TEX36: variants seen among roughly 807,000 people sequenced by gnomAD.
TEX36 encodes testis expressed 36, also known as testis-expressed protein 36.
A neutral mutation model predicts 13.6 loss-of-function variants in TEX36; 12 were observed. The ratio of observed to expected loss-of-function variants is 0.88; its 90% CI spans 0.56 to 1.43. TEX36 has a LOEUF of 1.43. Ranked by LOEUF, TEX36 falls within the 40% of genes most tolerant of loss-of-function variation. The pLI is 0.00. For synonymous variants in TEX36, 93 were observed against 83.0 expected (o/e 1.12, Z -0.65); for missense variants, 224 against 228.3 (o/e 0.98, Z 0.12).
At chr10:125,670,424 C>T (rs1847204640) in intron 1 of TEX36, among the ~76,000 whole-genome samples, 1 of 152,092 alleles carries the variant, frequency 6.6e-6, no homozygotes, top group South Asian at 2.1e-4. Flanking sequence ...TGTCCTTTGC[C>T]CACTTTTTAA....
intron 3 of TEX36, among the ~76,000 whole-genome samples, chr10:125,615,732 G>C (rs1409337112): frequency 4.6e-5 from 7 of 151,596 alleles, no homozygotes; most frequent in Non-Finnish European, 1.0e-4. Context: ...AAGGATATTG[G>C]TCTAAAATTC....
At chr10:125,610,094 C>T (rs950909612) in intron 3 of TEX36, among the ~76,000 whole-genome samples, 2 of 152,186 alleles carry the variant, frequency 1.3e-5, no homozygotes, top group Non-Finnish European at 2.9e-5. Context: ...GGAAGTTATC[C>T]TAAATAGTCT....
intron 3 of TEX36, among the ~76,000 whole-genome samples, chr10:125,599,164 A>C (rs1846115553): frequency 6.6e-6 from 1 of 152,224 alleles, no homozygotes; most frequent in Non-Finnish European, 1.5e-5. Flanking sequence ...AAGATTTGGA[A>C]AATGGAAGAA....
chr10:125,589,963 G>C (rs1370291054), intron 3 of TEX36, among the ~76,000 whole-genome samples: 2 of 152,108 alleles, frequency 1.3e-5, no homozygotes, highest in African/African-American at 2.4e-5. Context: ...GCATCATTTT[G>C]CTTTTCCAAA....
At chr10:125,633,775 G>A (rs1846589595) in intron 3 of TEX36, among the ~76,000 whole-genome samples, 1 of 152,188 alleles carries the variant, frequency 6.6e-6, no homozygotes, top group African/African-American at 2.4e-5. Flanking sequence ...ATCGACATCA[G>A]GGAATCAGGA....
chr10:125,633,636 C>T (rs1244777248), intron 3 of TEX36, among the ~76,000 whole-genome samples: 4 of 152,164 alleles, frequency 2.6e-5, no homozygotes, highest in African/African-American at 9.7e-5. Context: ...TACCTCGTAT[C>T]CTGCTTTTTT....
At chr10:125,605,379 C>T (rs1846203029) in intron 3 of TEX36, among the ~76,000 whole-genome samples, 1 of 151,912 alleles carries the variant, frequency 6.6e-6, no homozygotes, top group Non-Finnish European at 1.5e-5. Context: ...CAGCATAGTG[C>T]AGCAATGTGG....
At chr10:125,603,486 C>T (rs1439521930) in intron 3 of TEX36, among the ~76,000 whole-genome samples, 2 of 152,090 alleles carry the variant, frequency 1.3e-5, no homozygotes, top group African/African-American at 4.8e-5. Flanking sequence ...CTTCTCTAAC[C>T]CAGCCCCCAG....
chr10:125,679,528 C>T (rs1847363209), intron 1 of TEX36, among the ~76,000 whole-genome samples: 1 of 152,106 alleles, frequency 6.6e-6, no homozygotes, highest in East Asian at 1.9e-4. Context: ...AGAGAAGGGT[C>T]GAGAAGTTCT....
chr10:125,576,976 A>G, intron 3 of TEX36: 2 of 1,446,470 alleles, frequency 1.4e-6, no homozygotes, highest in African/African-American at 1.4e-5. Flanking sequence ...TCCCTGCCCA[A>G]GCTTTAAAAA....
chr10:125,591,348 G>A (rs916566876), intron 3 of TEX36, among the ~76,000 whole-genome samples: 1 of 152,150 alleles, frequency 6.6e-6, no homozygotes, highest in Non-Finnish European at 1.5e-5. Flanking sequence ...TAAATTCAAT[G>A]TAGTCCCCAA....
Position 125,677,678 on chromosome 10 carries a change from A to T in TEX36, c.51+5261T>A, listed in dbSNP as rs1409377656. Among the ~76,000 whole-genome samples, 5 of 150,842 alleles carry T rather than the reference A, an allele frequency of 3.3e-5. 1 individual carries two copies. The highest frequency in any genetic ancestry group is 4.2e-4 in the South Asian group (2 of 4,752). On this transcript the variant is annotated intron_variant, in intron 1 of 3. Coordinates refer to ENST00000368821, the MANE Select transcript of TEX36 (RefSeq NM_001128202.3). ...ATCTCACTGAGCTTCTTTAAAATGA[A>T]TTTTTTTTTCTTTTTTCTTTTGAGA...
Position 125,638,379 on chromosome 10 carries a change from G to A in TEX36, c.265-16734C>T, listed in dbSNP as rs917684953. On this transcript the variant is annotated intron_variant, in intron 3 of 3. Transcript: ENST00000526819. ...AAAAGAAAGAGAGAGAGAGAGAAGA[G>A]AGAAGAATTCAGAAGACAGAAGCAG... Among the ~76,000 whole-genome samples the A allele has an allele frequency of 2.4e-4, 37 of 152,238 alleles. 1 individual carries two copies. The highest frequency in any genetic ancestry group is 8.2e-4 in the African/African-American group (34 of 41,538).
intron 3 of TEX36, among the ~76,000 whole-genome samples, chr10:125,584,187 A>G (rs1388428571): frequency 1.3e-5 from 2 of 152,228 alleles, no homozygotes; most frequent in African/African-American, 4.8e-5. Context: ...CAGCTACCAG[A>G]CTAGGGCCAC....
At chr10:125,617,385 T>C (rs1366939260), downstream of TEX36, among the ~76,000 whole-genome samples, 1 of 152,252 alleles carries the variant, frequency 6.6e-6, no homozygotes, top group Non-Finnish European at 1.5e-5. Flanking sequence ...GTGGTCTTGA[T>C]GGTCTTTACA....
intron 3 of TEX36, among the ~76,000 whole-genome samples, chr10:125,642,665 G>GT (rs971630700): frequency 1.3e-5 from 2 of 151,892 alleles, no homozygotes; most frequent in East Asian, 1.9e-4. Flanking sequence ...AGGTTTTTTT[G>GT]TTTTTTTGTG....
chr10:125,667,925 G>C (rs1445327294), intron 1 of TEX36: 3 of 1,218,134 alleles, frequency 2.5e-6, no homozygotes, highest in Non-Finnish European at 3.6e-6. Flanking sequence ...CTGCTCCAGG[G>C]TCAATGCTGG....
intron 3 of TEX36, among the ~76,000 whole-genome samples, chr10:125,582,841 C>T (rs183313328): frequency 8.9e-4 from 135 of 152,076 alleles, no homozygotes; most frequent in African/African-American, 3.2e-3. Flanking sequence ...AATATATAGC[C>T]AAATGGACTA....
chr10:125,576,931 A>G (rs1694656081), intron 3 of TEX36: 1 of 1,533,060 alleles, frequency 6.5e-7, no homozygotes, highest in Admixed American at 2.0e-5. Flanking sequence ...AAATCCTTGT[A>G]GTTCAGCAAT....
Sources: gnomAD v4.1 joint callset for allele counts (sites outside exome capture counted in the v4.1 genomes callset) on GRCh38, gnomAD v4.1.1 for gene constraint, MANE v1.5 for transcripts, NCBI Gene and HGNC (gene_info 2026-07-23, HGNC 2026-07-21) for gene names.